Variants in CSMD1 observed in about 807,000 individuals in gnomAD.
The protein encoded by CSMD1 is CUB and Sushi multiple domains 1.
CSMD1 carries 213 observed loss-of-function variants against 417.5 expected under a neutral mutation model. The observed-to-expected ratio is 0.51, with a 90% CI of 0.46 to 0.57. The LOEUF is 0.57. Ranked by LOEUF, CSMD1 falls within the 20% of genes least tolerant of loss-of-function variation. The probability of loss-of-function intolerance (pLI) is 0.00; values close to 1 mark genes in which losing one functional copy is unlikely to be tolerated. For missense variants in CSMD1, 6,923 were observed against 4,529.7 expected, an observed-to-expected ratio of 1.53 and a Z score of -15.17; for synonymous variants, 2,862 against 1,736.8, an observed-to-expected ratio of 1.65 and a Z score of -16.11.
intron 1 of CSMD1, among the ~76,000 whole-genome samples, chr8:4,833,664 G>C (rs1027262277): frequency 2.0e-5 from 3 of 152,210 alleles, no homozygotes; most frequent in South Asian, 2.1e-4. Flanking sequence ...ACTACGTAGA[G>C]TGTTGCCTGC....
intron 2 of CSMD1, among the ~76,000 whole-genome samples, chr8:4,477,181 G>A (rs574351862): frequency 4.6e-5 from 7 of 152,132 alleles, no homozygotes; most frequent in Admixed American, 6.5e-5. Context: ...GTCTTCCTGC[G>A]CAGACACCTC....
intron 1 of CSMD1, among the ~76,000 whole-genome samples, chr8:4,975,886 G>A (rs62489455): frequency 2.6e-5 from 4 of 151,992 alleles, no homozygotes; most frequent in Non-Finnish European, 5.9e-5. Context: ...ACCAATTAGA[G>A]GATTAAATAG....
intron 3 of CSMD1, among the ~76,000 whole-genome samples, chr8:4,280,433 C>A (rs76033483): frequency 6.6e-6 from 1 of 152,114 alleles, no homozygotes; most frequent in Non-Finnish European, 1.5e-5. Flanking sequence ...CCGAAATGTG[C>A]GACCGGATAC....
chr8:3,045,559 A>G (rs1811380918), intron 50 of CSMD1, among the ~76,000 whole-genome samples: 1 of 152,172 alleles, frequency 6.6e-6, no homozygotes, highest in African/African-American at 2.4e-5. Context: ...CCTTAAAGCC[A>G]CTGGTCTATT....
chr8:4,035,253 G>A (rs1207290618), intron 3 of CSMD1, among the ~76,000 whole-genome samples: 1 of 152,074 alleles, frequency 6.6e-6, no homozygotes, highest in African/African-American at 2.4e-5. Context: ...AACCACCTGT[G>A]CAGCCAGTCA....
intron 18 of CSMD1, chr8:3,373,271 C>G (rs1033138555): frequency 3.3e-5 from 5 of 152,092 alleles, no homozygotes; most frequent in South Asian, 2.1e-4. Context: ...GTGCTCTGCC[C>G]TCTTTTTGAT....
intron 5 of CSMD1, among the ~76,000 whole-genome samples, chr8:3,891,114 T>A (rs991360009): frequency 2.0e-5 from 3 of 152,104 alleles, no homozygotes; most frequent in South Asian, 4.1e-4. Flanking sequence ...AGTGTTGTGA[T>A]CTTGGCTCAT....
In CSMD1 at chr8:4,606,034, G is replaced by C. The variant is rs554516883; in HGVS notation, c.302+31308C>G. On this transcript the variant is annotated intron_variant, in intron 2 of 69. Transcript: ENST00000635120. The stretch of plus-strand genomic sequence containing the variant: ...GACACCAAGCTGACAGGAATGGTTG[G>C]AGTCTATTTCTATTTTGGAAGCCTG... Among the ~76,000 whole-genome samples the C allele has an allele frequency of 3.3e-5, 5 of 152,304 alleles. No homozygotes were observed. The East Asian group carries it at 5.8e-4, about 18-fold the overall frequency.
At chr8:4,100,660 A>T (rs763449302) in intron 3 of CSMD1, among the ~76,000 whole-genome samples, 7 of 152,112 alleles carry the variant, frequency 4.6e-5, no homozygotes, top group Non-Finnish European at 8.8e-5. Context: ...GATGATGGAA[A>T]AAGGGTGCTG....
chr8:4,960,449 G>C (rs1809402860), intron 1 of CSMD1, among the ~76,000 whole-genome samples: 2 of 152,200 alleles, frequency 1.3e-5, no homozygotes, highest in Admixed American at 1.3e-4. Flanking sequence ...CACCTGGCAT[G>C]TGCTGGGGAT....
chr8:3,372,202 C>A (rs1465075695), intron 18 of CSMD1, among the ~76,000 whole-genome samples: 1 of 151,970 alleles, frequency 6.6e-6, no homozygotes, highest in Admixed American at 6.6e-5. Context: ...TTGAGAGAGA[C>A]AAAGGAAACA....
chr8:4,952,667 A>G (rs752885642), intron 1 of CSMD1, among the ~76,000 whole-genome samples: 4 of 152,232 alleles, frequency 2.6e-5, no homozygotes, highest in Non-Finnish European at 5.9e-5. Context: ...GGATTTAAAA[A>G]TCTATCAGAA....
chr8:4,398,102 C>G (rs1049365069), intron 3 of CSMD1, among the ~76,000 whole-genome samples: 16 of 152,148 alleles, frequency 1.1e-4, no homozygotes, highest in African/African-American at 3.4e-4. Flanking sequence ...GATATGCCAT[C>G]TTTTATGTTG....
At chr8:3,001,657 G>A (rs181482743) in intron 52 of CSMD1, among the ~76,000 whole-genome samples, 9 of 152,234 alleles carry the variant, frequency 5.9e-5, no homozygotes, top group Admixed American at 2.0e-4. Flanking sequence ...GAGAGTACCC[G>A]TATTCTAAAA....
At chr8:3,904,522 C>G (rs1006150920) in intron 5 of CSMD1, among the ~76,000 whole-genome samples, 4 of 152,250 alleles carry the variant, frequency 2.6e-5, no homozygotes, top group Admixed American at 1.3e-4. Flanking sequence ...TTCTAAGAAA[C>G]TGACAGGTGA....
intron 7 of CSMD1, among the ~76,000 whole-genome samples, chr8:3,663,864 T>G (rs1348962893): frequency 1.3e-5 from 2 of 152,158 alleles, no homozygotes; most frequent in Non-Finnish European, 2.9e-5. Flanking sequence ...CTTCTGAGGT[T>G]GTGTCACAGG....
At chr8:3,865,947 G>T (rs934657087) in intron 5 of CSMD1, among the ~76,000 whole-genome samples, 1 of 152,044 alleles carries the variant, frequency 6.6e-6, no homozygotes, top group Non-Finnish European at 1.5e-5. Context: ...CTCGTGTCTG[G>T]GAATGTAATT....
chr8:3,648,394 C>A lies in CSMD1; in HGVS notation c.1010-31597G>T, dbSNP rs986036661. Among the ~76,000 whole-genome samples the A allele has an allele frequency of 7.9e-5, 12 of 152,144 alleles. 1 individual carries two copies. Among genetic ancestry groups the A allele is most frequent in the African/African-American group, 2.7e-4 (11 of 41,418 alleles). Reference sequence around the variant, plus strand: ...TCAAATTAAGACTTTGTGAGACTGACATGCTGCCTGCTGCACTAATGATGC... The same window carrying A: ...TCAAATTAAGACTTTGTGAGACTGAAATGCTGCCTGCTGCACTAATGATGC... On this transcript the variant is annotated intron_variant, in intron 7 of 69. Coordinates refer to ENST00000635120, the MANE Select transcript of CSMD1 (RefSeq NM_033225.6).
chr8:3,499,488 C>T (rs1350298703), intron 10 of CSMD1, among the ~76,000 whole-genome samples: 1 of 152,060 alleles, frequency 6.6e-6, no homozygotes, highest in Admixed American at 6.6e-5. Context: ...TTCAGCAACT[C>T]CACTGCTTGG....
Sources: gnomAD v4.1 joint callset for allele counts (sites outside exome capture counted in the v4.1 genomes callset) on GRCh38, gnomAD v4.1.1 for gene constraint, MANE v1.5 for transcripts, NCBI Gene and HGNC (gene_info 2026-07-23, HGNC 2026-07-21) for gene names.